The following MIPOL1 variants were observed in gnomAD, a reference collection of about 807,000 sequenced individuals.
MIPOL1 encodes mirror-image polydactyly gene 1 protein.
MIPOL1 carries 57 observed loss-of-function variants against 60.9 expected under a neutral mutation model. The observed-to-expected ratio is 0.94, with a 90% CI of 0.76 to 1.17. The LOEUF is 1.17. Ranked by LOEUF, MIPOL1 falls within the 50% of genes most tolerant of loss-of-function variation. MIPOL1 has a pLI of 0.00. For missense variants in MIPOL1, 551 were observed against 511.6 expected, an observed-to-expected ratio of 1.08 and a Z score of -0.74; for synonymous variants, 179 against 168.8, an observed-to-expected ratio of 1.06 and a Z score of -0.47.
chr14:37,490,066 A>G (rs562061177), intron 11 of MIPOL1, among the ~76,000 whole-genome samples: 4 of 152,250 alleles, frequency 2.6e-5, no homozygotes, highest in Non-Finnish European at 5.9e-5. Context: ...CCCCTTCCCC[A>G]GGTGCTCTGT....
At chr14:37,319,447 A>G (rs1484258869) in intron 9 of MIPOL1, among the ~76,000 whole-genome samples, 5 of 152,190 alleles carry the variant, frequency 3.3e-5, no homozygotes. Context: ...TGAAACTTGC[A>G]GTTTTTGAGT....
chr14:37,363,304 G>A (rs1196213793), intron 9 of MIPOL1, among the ~76,000 whole-genome samples: 1 of 152,152 alleles, frequency 6.6e-6, no homozygotes, highest in Non-Finnish European at 1.5e-5. Flanking sequence ...TGGTGTAGGT[G>A]TCCTTTTTGT....
At chr14:37,495,725 G>T (rs2095116805) in intron 11 of MIPOL1, among the ~76,000 whole-genome samples, 1 of 145,858 alleles carries the variant, frequency 6.9e-6, no homozygotes, top group Non-Finnish European at 1.5e-5. Flanking sequence ...CACAATGGTT[G>T]AACTAGTTTA....
At position 37,458,072 on chromosome 14, in the gene MIPOL1, T is replaced by TAA. The variant is rs563916343; in HGVS notation, c.1031+35132_1031+35133dup. Among the ~76,000 whole-genome samples, 472 of 142,616 alleles carry TAA rather than the reference T, an allele frequency of 3.3e-3. 11 individuals are homozygous for TAA. The highest frequency in any genetic ancestry group is 0.025 in the Admixed American group (360 of 14,394). 93.6% of individuals were successfully genotyped at this position (142,616 alleles called of 152,430 possible). A position where few individuals can be genotyped will look rare whatever the true frequency, so the allele number is the denominator to read the frequency against. ...TAAAACAGACATTAATCAAAAACAGTAAAAAAAAAAGATAAAGTCATTATA... is the reference window on the plus strand; with the variant it reads ...TAAAACAGACATTAATCAAAAACAGTAAAAAAAAAAAAGATAAAGTCATTATA... On this transcript the variant is annotated intron_variant, in intron 11 of 12. Coordinates refer to ENST00000684589, the MANE Select transcript of MIPOL1 (RefSeq NM_001388067.1).
chr14:37,222,977 G>A (rs1363745399), intron 1 of MIPOL1, among the ~76,000 whole-genome samples: 2 of 152,314 alleles, frequency 1.3e-5, no homozygotes, highest in South Asian at 2.1e-4. Context: ...ATCTATGGTG[G>A]AAGGTAGAAG....
At chr14:37,260,240 T>TAAAAA (rs754422554) in intron 3 of MIPOL1, among the ~76,000 whole-genome samples, 4 of 121,252 alleles carry the variant, frequency 3.3e-5, no homozygotes, top group Non-Finnish European at 5.3e-5. Context: ...AGATCTCATC[T>TAAAAA]AAAAAAAAAA....
At chr14:37,300,221 A>T (rs1042672948) in intron 7 of MIPOL1, among the ~76,000 whole-genome samples, 1 of 150,052 alleles carries the variant, frequency 6.7e-6, no homozygotes, top group Non-Finnish European at 1.5e-5. Flanking sequence ...AGTCCATACT[A>T]AAGAATGAAG....
At chr14:37,245,169 T>G (rs1168034392) in intron 1 of MIPOL1, among the ~76,000 whole-genome samples, 1 of 152,126 alleles carries the variant, frequency 6.6e-6, no homozygotes, top group Non-Finnish European at 1.5e-5. Flanking sequence ...AAATTTTACT[T>G]GGTGAATTTA....
intron 12 of MIPOL1, among the ~76,000 whole-genome samples, chr14:37,518,694 A>C (rs1440220555): frequency 1.3e-5 from 2 of 152,174 alleles, no homozygotes; most frequent in Non-Finnish European, 2.9e-5. Flanking sequence ...CTTAAAAGCA[A>C]CACACACATC....
chr14:37,353,389 T>C (rs1282752756), intron 9 of MIPOL1, among the ~76,000 whole-genome samples: 3 of 138,262 alleles, frequency 2.2e-5, no homozygotes, highest in South Asian at 2.5e-4. Context: ...TGTCTCTGCC[T>C]GGCTTTGGTA....
intron 11 of MIPOL1, among the ~76,000 whole-genome samples, chr14:37,497,384 G>A (rs1566719384): frequency 6.6e-6 from 1 of 152,214 alleles, no homozygotes; most frequent in Non-Finnish European, 1.5e-5. Context: ...ATTCCCAAAC[G>A]AAGCTGTCTC....
At chr14:37,215,900 T>C (rs1967577639) in intron 1 of MIPOL1, among the ~76,000 whole-genome samples, 1 of 151,924 alleles carries the variant, frequency 6.6e-6, no homozygotes, top group Non-Finnish European at 1.5e-5. Context: ...AAACCCTGTC[T>C]CTAATAAAAA....
chr14:37,512,154 C>T (rs1308142479), intron 12 of MIPOL1, among the ~76,000 whole-genome samples: 2 of 109,370 alleles, frequency 1.8e-5, no homozygotes, highest in African/African-American at 7.6e-5. Flanking sequence ...CTTTTGAGCA[C>T]TATTGACCAA....
chr14:37,548,522 A>G lies in MIPOL1; in HGVS notation c.*1551A>G, dbSNP rs957140287. Reference sequence around the variant, plus strand: ...TATCCTCTCATAGACCAATGACTCTATAATAGAGAAATATGTAATGATTTG... The same window carrying G: ...TATCCTCTCATAGACCAATGACTCTGTAATAGAGAAATATGTAATGATTTG... On this transcript the variant is annotated 3_prime_UTR_variant, in exon 13 of 13. Coordinates refer to ENST00000684589, the MANE Select transcript of MIPOL1 (RefSeq NM_001388067.1). 6.6e-6 allele frequency: 1 copy of G among 152,024 alleles called. No homozygotes were observed. Among genetic ancestry groups the G allele is most frequent in the Non-Finnish European group, 1.5e-5 (1 of 67,872 alleles). The allele number at this position is 152,024 out of a possible 1,614,324, so 9.4% of individuals were successfully genotyped here.
At chr14:37,428,978 A>C (rs2094013692) in intron 11 of MIPOL1, among the ~76,000 whole-genome samples, 1 of 152,194 alleles carries the variant, frequency 6.6e-6, no homozygotes, top group Non-Finnish European at 1.5e-5. Context: ...ACAAAGATTT[A>C]AAATAAATTC....
intron 1 of MIPOL1, among the ~76,000 whole-genome samples, chr14:37,245,020 T>G (rs1972967667): frequency 6.6e-6 from 1 of 152,152 alleles, no homozygotes; most frequent in South Asian, 2.1e-4. Flanking sequence ...GAATCCAAAT[T>G]CATAAAGAGT....
chr14:37,486,572 T>A (rs1366437461), intron 11 of MIPOL1, among the ~76,000 whole-genome samples: 1 of 152,208 alleles, frequency 6.6e-6, no homozygotes, highest in Non-Finnish European at 1.5e-5. Flanking sequence ...TATTCCTAGA[T>A]ATTTTATTCT....
At chr14:37,515,062 A>G (rs2095359039) in intron 12 of MIPOL1, among the ~76,000 whole-genome samples, 1 of 152,206 alleles carries the variant, frequency 6.6e-6, no homozygotes, top group Admixed American at 6.5e-5. Context: ...GTAAATTTAC[A>G]GAATGAAGAA....
At chr14:37,525,649 A>G (rs1282149330) in intron 12 of MIPOL1, among the ~76,000 whole-genome samples, 4 of 152,224 alleles carry the variant, frequency 2.6e-5, no homozygotes, top group African/African-American at 9.6e-5. Context: ...TCCCGGAAGC[A>G]GCCTATAATC....
Sources: gnomAD v4.1 joint callset for allele counts (sites outside exome capture counted in the v4.1 genomes callset) on GRCh38, gnomAD v4.1.1 for gene constraint, MANE v1.5 for transcripts, NCBI Gene and HGNC (gene_info 2026-07-23, HGNC 2026-07-21) for gene names.